Variants in FAM227A observed in about 807,000 individuals in gnomAD.
FAM227A encodes the protein family with sequence similarity 227 member A, also known as protein FAM227A.
FAM227A carries 80 observed loss-of-function variants against 74.7 expected under a neutral mutation model. The ratio of observed to expected loss-of-function variants is 1.07; its 90% CI spans 0.89 to 1.29. FAM227A has a LOEUF of 1.29. FAM227A is among the 50% of genes most tolerant of loss of function. The probability of loss-of-function intolerance (pLI) is 0.00; values close to 1 mark genes in which losing one functional copy is unlikely to be tolerated. For missense variants in FAM227A, 654 were observed against 683.4 expected (o/e 0.96, Z 0.48); for synonymous variants, 237 against 241.8 (o/e 0.98, Z 0.19).
chr22:38,623,126 G>T, intron 10 of FAM227A, 46 bp downstream of exon 10: 1 of 1,296,872 alleles, frequency 7.7e-7, no homozygotes, highest in Non-Finnish European at 1.1e-6. Context: ...TAGTGGTTGA[G>T]TATGGCAGTG....
rs59529052 is a variant in FAM227A, at chr22:38,590,086, C to CACAAAACAAAACAAA, written c.1638+1334_1638+1348dup. Among the ~76,000 whole-genome samples, 624 of 146,600 alleles carry CACAAAACAAAACAAA rather than the reference C, an allele frequency of 4.3e-3. 3 individuals are homozygous for CACAAAACAAAACAAA. Among genetic ancestry groups the CACAAAACAAAACAAA allele is most frequent in the African/African-American group, 0.015 (580 of 39,074 alleles). On this transcript the variant is annotated intron_variant, in intron 16 of 16. Coordinates refer to ENST00000535113, the MANE Select transcript of FAM227A (RefSeq NM_001013647.2). The stretch of plus-strand genomic sequence containing the variant: ...ACATGGTGAAACCTCATCTCTGCTA[C>CACAAAACAAAACAAA]ACAAAACAAAACAAAACAAAACAAA...
In FAM227A at chr22:38,653,793, A is replaced by G. The variant is rs1389790817; in HGVS notation, c.-95+2327T>C. The G allele has an allele frequency of 2.0e-5, 3 of 152,300 alleles. No individual in the cohort carries two copies. The East Asian group carries it at 5.8e-4, about 29-fold the overall frequency. 9.4% of individuals were successfully genotyped at this position (152,300 alleles called of 1,614,324 possible). ...GTTGAGGACTGTGGATGAAATGATT[A>G]TTTACTGAGTACCTACCATAAGCAA... On this transcript the variant is annotated intron_variant, in intron 1 of 16. Coordinates refer to ENST00000535113, the MANE Select transcript of FAM227A (RefSeq NM_001013647.2).
rs1247295326 is a variant in FAM227A at position 38,582,554 on chromosome 22, T to C, written c.*3571A>G. 7 of 944,532 alleles carry C rather than the reference T, an allele frequency of 7.4e-6. No homozygotes were observed. The African/African-American group carries it at 8.3e-5, about 11-fold the overall frequency. 58.5% of individuals were successfully genotyped at this position (944,532 alleles called of 1,614,324 possible). A position where few individuals can be genotyped will look rare whatever the true frequency, so the allele number is the denominator to read the frequency against. ...TCTTCCCCATAATTTTCCCTTCTAA[T>C]GTTTACAAAGGGCAGAGACAGGTTT... is the stretch of plus-strand genomic sequence containing the variant. On this transcript the variant is annotated 3_prime_UTR_variant, in exon 17 of 17. Coordinates refer to ENST00000535113, the MANE Select transcript of FAM227A (RefSeq NM_001013647.2).
At chr22:38,598,042 C>CA (rs59018974) in intron 14 of FAM227A, among the ~76,000 whole-genome samples, 916 of 83,652 alleles carry the variant, frequency 0.011, 19 homozygotes, top group African/African-American at 0.031. Flanking sequence ...GACTCTGTCT[C>CA]AAAAAAAAAA....
At chr22:38,633,656 C>T (rs1316625707) in intron 6 of FAM227A, among the ~76,000 whole-genome samples, 1 of 152,284 alleles carries the variant, frequency 6.6e-6, no homozygotes, top group Non-Finnish European at 1.5e-5. Flanking sequence ...ATTCTCCTGC[C>T]TCAGCCTCCT....
intron 11 of FAM227A, among the ~76,000 whole-genome samples, chr22:38,613,311 A>ACATATAT (rs2091487254): frequency 1.6e-5 from 1 of 62,098 alleles, no homozygotes; most frequent in African/African-American, 7.9e-5. Context: ...ATAATATATA[A>ACATATAT]CATATAATAT....
intron 12 of FAM227A, among the ~76,000 whole-genome samples, chr22:38,606,397 G>C (rs577478747): frequency 6.6e-6 from 1 of 152,186 alleles, no homozygotes; most frequent in African/African-American, 2.4e-5. Context: ...TTGAACTTCT[G>C]GGCTCAAGCA....
At chr22:38,644,258 G>T (rs997243875) in intron 3 of FAM227A, among the ~76,000 whole-genome samples, 1 of 152,176 alleles carries the variant, frequency 6.6e-6, no homozygotes, top group Non-Finnish European at 1.5e-5. Context: ...TGGCATTATG[G>T]GAAAGGTAAA....
intron 12 of FAM227A, 24 bp downstream of exon 12, chr22:38,607,365 T>C (rs1329691475): frequency 6.6e-7 from 1 of 1,509,750 alleles, no homozygotes; most frequent in Non-Finnish European, 9.0e-7. Flanking sequence ...AAGCCTACAT[T>C]TCCCTTTTTG....
intron 6 of FAM227A, among the ~76,000 whole-genome samples, chr22:38,635,358 C>G (rs1333943927): frequency 1.3e-5 from 2 of 151,824 alleles, no homozygotes; most frequent in Admixed American, 1.3e-4. Flanking sequence ...TGCTGGGTCT[C>G]AGGAATGGTG....
intron 15 of FAM227A, among the ~76,000 whole-genome samples, chr22:38,593,058 A>G (rs2090971408): frequency 6.6e-6 from 1 of 152,236 alleles, no homozygotes; most frequent in Non-Finnish European, 1.5e-5. Context: ...GTAAGTAAAA[A>G]GACCTGTATC....
chr22:38,624,764 A>G (rs1214519350), intron 9 of FAM227A, among the ~76,000 whole-genome samples: 1 of 152,166 alleles, frequency 6.6e-6, no homozygotes, highest in East Asian at 1.9e-4. Flanking sequence ...TGGGTTCTGT[A>G]TGACTCCTTA....
chr22:38,610,666 G>A (rs1236065805), intron 11 of FAM227A, among the ~76,000 whole-genome samples: 4 of 152,166 alleles, frequency 2.6e-5, no homozygotes, highest in South Asian at 2.1e-4. Context: ...CTGAGATCAC[G>A]CTATTGCAAC....
At position 38,599,089 on chromosome 22, in the gene FAM227A, T is replaced by G. The variant is rs188879524; in HGVS notation, c.1379+675A>C. On this transcript the variant is annotated intron_variant, in intron 14 of 16. Transcript: ENST00000535113. ...CTCCTGCCTCAGCCTCCCAAGTAGC[T>G]GCGATTATACAGGCACGCACCACCA... Among the ~76,000 whole-genome samples, 231 of 152,026 alleles carry G rather than the reference T, an allele frequency of 1.5e-3. 2 individuals carry two copies. The highest frequency in any genetic ancestry group is 2.4e-3 in the Admixed American group (36 of 15,234).
chr22:38,629,031 A>T (rs2091865257), intron 6 of FAM227A, 96 bp from the exon 7 acceptor site: 4 of 729,060 alleles, frequency 5.5e-6, no homozygotes, highest in Non-Finnish European at 9.1e-6. Flanking sequence ...AAAACCACCT[A>T]ATCTGTTAGT....
At chr22:38,643,309 C>G (rs1000201548) in intron 3 of FAM227A, among the ~76,000 whole-genome samples, 10 of 139,774 alleles carry the variant, frequency 7.2e-5, no homozygotes, top group Admixed American at 1.4e-4. Flanking sequence ...GAGCAAGATT[C>G]TGTCTCAAAA....
Position 38,583,117 on chromosome 22 carries a change from C to A in FAM227A, c.*3008G>T. On this transcript the variant is annotated 3_prime_UTR_variant, in exon 17 of 17. Transcript: ENST00000535113. ...GAGAGTGTTCTGCTTATCTGCCCCA[C>A]ATGGTGCCTTGTACTCGGCAGGTGC... is the stretch of plus-strand genomic sequence containing the variant. 1 of 677,782 alleles carries A rather than the reference C, an allele frequency of 1.5e-6. No individual in the cohort carries two copies. The highest frequency in any genetic ancestry group is 2.5e-6 in the Non-Finnish European group (1 of 407,170). 42.0% of individuals were successfully genotyped at this position (677,782 alleles called of 1,614,324 possible).
chr22:38,638,905 A>T (rs1208476483), intron 4 of FAM227A, 83 bp from the exon 5 acceptor site: 32 of 864,462 alleles, frequency 3.7e-5, no homozygotes, highest in Non-Finnish European at 5.1e-5. Flanking sequence ...GTGCTTTTTC[A>T]TTCCACTTGA....
intron 12 of FAM227A, among the ~76,000 whole-genome samples, chr22:38,605,937 T>C (rs1416073683): frequency 6.6e-6 from 1 of 152,194 alleles, no homozygotes; most frequent in Non-Finnish European, 1.5e-5. Flanking sequence ...TGAAATTACC[T>C]AGGATGATAC....
Sources: allele counts gnomAD v4.1 joint callset (sites outside exome capture counted in the v4.1 genomes callset), GRCh38; gene constraint gnomAD v4.1.1; transcripts MANE v1.5; gene names NCBI Gene and HGNC (gene_info 2026-07-23, HGNC 2026-07-21).